The following FAT2 variants were observed in gnomAD, a reference collection of about 807,000 sequenced individuals.
FAT2 encodes the protein FAT atypical cadherin 2, also known as protocadherin Fat 2.
A neutral mutation model predicts 295.3 loss-of-function variants in FAT2; 150 were observed. That is an observed-to-expected ratio of 0.51 (90% CI 0.44 to 0.58). The LOEUF (loss-of-function observed/expected upper bound fraction) is 0.58, where lower values mean the gene tolerates loss of function less well. FAT2 is among the 20% of genes least tolerant of loss of function. The probability of loss-of-function intolerance (pLI) is 0.00; values close to 1 mark genes in which losing one functional copy is unlikely to be tolerated. For synonymous variants in FAT2, 2,026 were observed against 2,150.3 expected (o/e 0.94, Z 1.60); for missense variants, 4,868 against 5,442.7 (o/e 0.89, Z 3.32).
rs765547953 is a variant in FAT2 at position 151,567,701 on chromosome 5, G to A, written c.1231C>T (p.Arg411Ter). The change falls in exon 2 of 24, where the codon CGA becomes TGA. Residue 411 changes from arginine to a stop codon, truncating the protein, a stop_gained. Transcript: ENST00000261800. LOFTEE classifies it high-confidence loss of function. The part of the protein sequence containing the change: ...SENVGFKLNA[R>*]TGLITTTKLM... ...TTTGTGGTGGTGATCAACCCAGTTC[G>A]AGCATTAAGTTTAAATCCTACATTC... is the stretch of plus-strand genomic sequence containing the variant. 58 of 1,613,996 alleles carry A rather than the reference G, an allele frequency of 3.6e-5. No homozygotes were observed. Among genetic ancestry groups the A allele is most frequent in the Non-Finnish European group, 4.7e-5 (55 of 1,180,030 alleles).
chr5:151,541,348 C>T (rs1756118281), intron 10 of FAT2, among the ~76,000 whole-genome samples: 1 of 152,216 alleles, frequency 6.6e-6, no homozygotes, highest in African/African-American at 2.4e-5. Flanking sequence ...AACATGTTGA[C>T]ATTTATTACT....
At chr5:151,552,242 T>C (rs1026492025) in intron 6 of FAT2, among the ~76,000 whole-genome samples, 1 of 152,114 alleles carries the variant, frequency 6.6e-6, no homozygotes, top group Non-Finnish European at 1.5e-5. Flanking sequence ...TACTTCAGCC[T>C]CTCAAGCAGC....
intron 1 of FAT2, among the ~76,000 whole-genome samples, chr5:151,587,944 A>T (rs915333839): frequency 1.3e-5 from 2 of 152,202 alleles, no homozygotes. Flanking sequence ...GTCATTGCGA[A>T]TTCTCACAAA....
chr5:151,512,201 G>A lies in FAT2; in HGVS notation c.11869C>T (p.Leu3957Phe), dbSNP rs144175564. Residue 3957 changes from leucine to phenylalanine, a missense_variant, in exon 21 of 24, where the codon CTC becomes TTC. Physicochemically the swap from Leu to Phe is conservative, Grantham distance 22. Around this residue, in one of 5 missense-constraint regions of FAT2, gnomAD observed 24 missense variants for 53.3 expected, o/e 0.45. Coordinates refer to ENST00000261800, the MANE Select transcript of FAT2 (RefSeq NM_001447.3). This position sits in a 1 kb window ranked among gnomAD's most constrained non-coding sequence, Gnocchi z 4.1. Reference protein sequence around the residue: ...HSDYCSQNTCLNGGKCSWTHG... With the variant: ...HSDYCSQNTCFNGGKCSWTHG... Reference sequence around the variant, plus strand: ...GTCCATGAGCACTTCCCACCATTGAGGCATGTGTTCTGGCTGCAGTAGTCA... The same window carrying A: ...GTCCATGAGCACTTCCCACCATTGAAGCATGTGTTCTGGCTGCAGTAGTCA... 2.8e-5 allele frequency: 46 copies of A among 1,614,052 alleles called. No individual in the cohort carries two copies. The African/African-American group carries it at 5.7e-4, about 20-fold the overall frequency.
At chr5:151,583,997 CAAAAAA>C (rs35453556) in intron 1 of FAT2, among the ~76,000 whole-genome samples, 4 of 46,046 alleles carry the variant, frequency 8.7e-5, no homozygotes, top group East Asian at 8.2e-4. Context: ...GGCTCTGTCT[CAAAAAA>C]AAAAAAAAAA....
chr5:151,593,050 T>C (rs2278384), upstream of FAT2, among the ~76,000 whole-genome samples: 4,849 of 152,246 alleles, frequency 0.032, 458 homozygotes, highest in East Asian at 0.23. Context: ...CCAGTAGGAT[T>C]CTCTGAGGCT....
chr5:151,556,037 C>G (rs1757664353), intron 4 of FAT2, among the ~76,000 whole-genome samples: 1 of 152,178 alleles, frequency 6.6e-6, no homozygotes, highest in Admixed American at 6.5e-5. Flanking sequence ...CTGCCTGAGC[C>G]AGGAGGGATG....
At chr5:151,560,627 A>G (rs1757976684) in intron 3 of FAT2, among the ~76,000 whole-genome samples, 2 of 152,186 alleles carry the variant, frequency 1.3e-5, no homozygotes, top group Admixed American at 1.3e-4. Context: ...AGGGCACTGT[A>G]TCTACACATA....
intron 2 of FAT2, among the ~76,000 whole-genome samples, chr5:151,564,999 C>T (rs558198727): frequency 2.0e-5 from 3 of 152,144 alleles, no homozygotes; most frequent in South Asian, 2.1e-4. Flanking sequence ...CGCTTGAACT[C>T]GGGGGACGGA....
upstream of FAT2, among the ~76,000 whole-genome samples, chr5:151,592,973 A>G (rs577240780): frequency 9.3e-4 from 141 of 152,336 alleles, no homozygotes; most frequent in Admixed American, 1.8e-3. Flanking sequence ...ACCAGCATCC[A>G]GGATGACCAC....
rs765805049 is a variant in FAT2, at chr5:151,545,910, A to T, written c.5217T>A (p.Phe1739Leu). 1 of 1,614,218 alleles carries T rather than the reference A, an allele frequency of 6.2e-7. No homozygotes were observed. Among genetic ancestry groups the T allele is most frequent in the East Asian group, 2.2e-5 (1 of 44,888 alleles). The part of the protein sequence containing the change: ...KIRGSNMAGA[F>L]TDVMVVVDII... ...TGTCAACCACCACCATGACATCAGT[A>T]AATGCACCTGCCATATTGCTGCCTC... Residue 1739 changes from phenylalanine (F) to leucine (L), a missense_variant, in exon 10 of 24, where the codon TTT becomes TTA. Around this residue, in one of 5 missense-constraint regions of FAT2, gnomAD observed 3,297 missense variants for 3,669.4 expected, o/e 0.90. Coordinates refer to ENST00000261800, the MANE Select transcript of FAT2 (RefSeq NM_001447.3).
At chr5:151,592,985 G>A (rs1259857609), upstream of FAT2, among the ~76,000 whole-genome samples, 1 of 152,264 alleles carries the variant, frequency 6.6e-6, no homozygotes, top group East Asian at 1.9e-4. Flanking sequence ...GATGACCACA[G>A]GCATCAAGCA....
chr5:151,514,918 C>T (rs1752693123), intron 20 of FAT2, among the ~76,000 whole-genome samples: 1 of 152,262 alleles, frequency 6.6e-6, no homozygotes, highest in Non-Finnish European at 1.5e-5. Context: ...AGCATACACA[C>T]ATGGTGTTAT....
In FAT2 at chr5:151,551,522, G is replaced by T; in HGVS notation, c.4241C>A (p.Ser1414Ter). The T allele has an allele frequency of 6.2e-7, 1 of 1,614,174 alleles. No homozygotes were observed. The highest frequency in any genetic ancestry group is 1.1e-5 in the South Asian group (1 of 91,072). The change falls in exon 7 of 24, where the codon TCG becomes TAG. Residue 1414 changes from serine to a stop codon, truncating the protein, a stop_gained. Transcript: ENST00000261800. LOFTEE classifies it high-confidence loss of function. The part of the protein sequence containing the change: ...IARPLDTRRR[S>*]NYNLTVEVTD... Reference sequence around the variant, plus strand: ...CACCTCAACAGTCAAGTTATAGTTCGACCTTCTCCTGGTATCAAGAGGCCT... The same window carrying T: ...CACCTCAACAGTCAAGTTATAGTTCTACCTTCTCCTGGTATCAAGAGGCCT...
At chr5:151,556,860 A>G (rs1306655621) in intron 3 of FAT2, among the ~76,000 whole-genome samples, 2 of 152,156 alleles carry the variant, frequency 1.3e-5, no homozygotes, top group African/African-American at 4.8e-5. Flanking sequence ...TTTTCAACTT[A>G]TGATGGATCT....
Position 151,554,352 on chromosome 5 carries a change from G to A in FAT2, c.3945+10C>T, listed in dbSNP as rs1189921699. 3.1e-6 allele frequency: 5 copies of A among 1,605,480 alleles called. No homozygotes were observed. The African/African-American group carries it at 5.4e-5, about 17-fold the overall frequency. On this transcript the variant is annotated intron_variant, in intron 5 of 23. Transcript: ENST00000261800. The stretch of plus-strand genomic sequence containing the variant: ...ACTCCTCCCTCCGTGGCTTCCTTCT[G>A]TCTGCTCACCGTTAGGATGTTGTAC...
intron 10 of FAT2, 130 bp from the exon 11 acceptor site, chr5:151,540,893 G>GGC: frequency 5.2e-6 from 4 of 766,424 alleles, no homozygotes; most frequent in South Asian, 4.4e-5. Flanking sequence ...TCCTTAACTA[G>GGC]GAACCCACGA....
intron 3 of FAT2, among the ~76,000 whole-genome samples, chr5:151,557,821 G>T (rs186873470): frequency 3.1e-4 from 47 of 152,298 alleles, no homozygotes; most frequent in African/African-American, 1.1e-3. Flanking sequence ...TCATGGTGAG[G>T]CTGGGAAAGC....
chr5:151,591,920 G>A (rs1393176312), upstream of FAT2, among the ~76,000 whole-genome samples: 1 of 152,124 alleles, frequency 6.6e-6, no homozygotes, highest in Non-Finnish European at 1.5e-5. Context: ...CCCCATAAAA[G>A]GTAATTCTTA....
Sources: allele counts gnomAD v4.1 joint callset (sites outside exome capture counted in the v4.1 genomes callset), GRCh38; gene constraint gnomAD v4.1.1; regional missense constraint gnomAD v4.1.1; non-coding constraint Gnocchi (gnomAD v3.1); transcripts MANE v1.5; gene names NCBI Gene and HGNC (gene_info 2026-07-23, HGNC 2026-07-21).